Variants in IQGAP2 observed in about 807,000 individuals in gnomAD.
IQGAP2 encodes ras GTPase-activating-like protein IQGAP2.
In IQGAP2, 173 loss-of-function variants were observed where a neutral mutation model predicts 201.3. The observed-to-expected ratio is 0.86, with a 90% CI of 0.76 to 0.98. IQGAP2 has a LOEUF of 0.98. Among genes scored for constraint, IQGAP2 ranks in the 50% least tolerant of loss-of-function variants. The pLI is 0.00. For synonymous variants in IQGAP2, 675 were observed against 673.9 expected, an observed-to-expected ratio of 1.00 and a Z score of -0.03; for missense variants, 1,687 against 1,864.8, an observed-to-expected ratio of 0.90 and a Z score of 1.76.
At chr5:76,600,775 G>T (rs771789236) in intron 10 of IQGAP2, 37 bp from the exon 11 acceptor site, 153 of 1,610,814 alleles carry the variant, frequency 9.5e-5, no homozygotes, top group Non-Finnish European at 1.2e-4. Flanking sequence ...GAGGTGTGTT[G>T]TGTGGGGAGC....
intron 2 of IQGAP2, among the ~76,000 whole-genome samples, chr5:76,506,073 C>G (rs1410516516): frequency 6.6e-6 from 1 of 152,206 alleles, no homozygotes; most frequent in African/African-American, 2.4e-5. Context: ...CTACCATCAA[C>G]CACACAAGAA....
chr5:76,569,452 A>T (rs1744962954), intron 3 of IQGAP2, among the ~76,000 whole-genome samples: 1 of 152,088 alleles, frequency 6.6e-6, no homozygotes, highest in African/African-American at 2.4e-5. Context: ...AATAGGAATG[A>T]TAATTACCTT....
At chr5:76,531,211 G>T (rs1236575009) in intron 2 of IQGAP2, among the ~76,000 whole-genome samples, 1 of 152,152 alleles carries the variant, frequency 6.6e-6, no homozygotes, top group East Asian at 1.9e-4. Context: ...GTCCTCGGGT[G>T]GCAGAGGGGC....
At chr5:76,533,430 C>T (rs951366038) in intron 2 of IQGAP2, among the ~76,000 whole-genome samples, 1 of 152,024 alleles carries the variant, frequency 6.6e-6, no homozygotes, top group Non-Finnish European at 1.5e-5. Flanking sequence ...TATATCTCAC[C>T]ATTTTACTTT....
At chr5:76,703,294 T>C (rs1425857230) in intron 35 of IQGAP2, among the ~76,000 whole-genome samples, 1 of 152,088 alleles carries the variant, frequency 6.6e-6, no homozygotes, top group Non-Finnish European at 1.5e-5. Flanking sequence ...TAACTGGTAC[T>C]ACAGGCACAC....
chr5:76,495,542 GA>G lies in IQGAP2; in HGVS notation c.146+33874del, dbSNP rs138804347. Reference sequence around the variant, plus strand: ...ATAACCATCATCCCTCTCCTCACAGGACCATTGTGGGGTAGTGTGTTAATTC... The same window carrying G: ...ATAACCATCATCCCTCTCCTCACAGGCCATTGTGGGGTAGTGTGTTAATTC... On this transcript the variant is annotated intron_variant, in intron 2 of 35. Transcript: ENST00000274364. Among the ~76,000 whole-genome samples, 149 of 152,264 alleles carry G rather than the reference GA, an allele frequency of 9.8e-4. 1 individual carries two copies. Among genetic ancestry groups the G allele is most frequent in the African/African-American group, 3.5e-3 (147 of 41,564 alleles).
At chr5:76,510,545 G>A (rs575803917) in intron 2 of IQGAP2, 10 of 433,328 alleles carry the variant, frequency 2.3e-5, no homozygotes, top group African/African-American at 6.1e-5. Flanking sequence ...GCTGGACCCC[G>A]CCAAGGTATA....
At chr5:76,506,812 A>G (rs1476321568) in intron 2 of IQGAP2, among the ~76,000 whole-genome samples, 1 of 152,202 alleles carries the variant, frequency 6.6e-6, no homozygotes, top group Non-Finnish European at 1.5e-5. Flanking sequence ...GTCTAACAAA[A>G]CATGTACAAG....
At chr5:76,499,609 G>A (rs1162578744) in intron 2 of IQGAP2, among the ~76,000 whole-genome samples, 1 of 152,176 alleles carries the variant, frequency 6.6e-6, no homozygotes, top group East Asian at 1.9e-4. Flanking sequence ...ATACCCAGCA[G>A]CATTTGATGA....
At chr5:76,685,421 T>A (rs2150519654) in intron 30 of IQGAP2, among the ~76,000 whole-genome samples, 1 of 152,366 alleles carries the variant, frequency 6.6e-6, no homozygotes, top group African/African-American at 2.4e-5. Flanking sequence ...GAACATCATT[T>A]TCTAAATCCA....
intron 30 of IQGAP2, among the ~76,000 whole-genome samples, chr5:76,684,898 C>T (rs916142120): frequency 6.6e-6 from 1 of 152,076 alleles, no homozygotes; most frequent in East Asian, 1.9e-4. Flanking sequence ...AGCTTCTTCA[C>T]TGTGCTGTGT....
intron 2 of IQGAP2, among the ~76,000 whole-genome samples, chr5:76,531,536 C>T (rs982544100): frequency 6.6e-5 from 10 of 152,154 alleles, no homozygotes; most frequent in South Asian, 2.1e-4. Flanking sequence ...ACCGTTATGA[C>T]GTCAATACCT....
chr5:76,500,743 A>G (rs1006169147), intron 2 of IQGAP2, among the ~76,000 whole-genome samples: 1 of 152,100 alleles, frequency 6.6e-6, no homozygotes, highest in Non-Finnish European at 1.5e-5. Flanking sequence ...AGTATTTTTC[A>G]ATAATGTCAT....
intron 2 of IQGAP2, among the ~76,000 whole-genome samples, chr5:76,475,844 C>A (rs1321682901): frequency 6.6e-6 from 1 of 152,052 alleles, no homozygotes; most frequent in Admixed American, 6.6e-5. Context: ...TTTCAGAGAA[C>A]CTTCAGATGG....
chr5:76,694,198 T>C (rs1474732675), intron 31 of IQGAP2, among the ~76,000 whole-genome samples: 1 of 152,126 alleles, frequency 6.6e-6, no homozygotes, highest in Admixed American at 6.6e-5. Flanking sequence ...TTTGGAAGGC[T>C]GAGGTGTGTA....
In IQGAP2 at chr5:76,654,222, C is replaced by T; in HGVS notation, c.2201C>T (p.Ala734Val). ...IVKIQSWFRM[A>V]TARKSYLSRL... is the part of the protein sequence containing the mutation. ...CAGATTCAGTCCTGGTTCCGAATGG[C>T]AACTGCAAGAAAGAGCTATCTTTCA... The change falls in exon 19 of 36, where the codon GCA (alanine) becomes GTA (valine). Residue 734 changes from alanine to valine, a missense_variant. Transcript: ENST00000274364. 1 of 1,609,570 alleles carries T rather than the reference C, an allele frequency of 6.2e-7. No individual in the cohort carries two copies. Among genetic ancestry groups the T allele is most frequent in the Middle Eastern group, 1.7e-4 (1 of 6,048 alleles).
chr5:76,617,423 C>T, intron 13 of IQGAP2: 5 of 622,664 alleles, frequency 8.0e-6, no homozygotes, highest in Non-Finnish European at 1.4e-5. Flanking sequence ...GACTCAGTCT[C>T]AAAAACAAAC....
Position 76,637,122 on chromosome 5 carries a change from C to A in IQGAP2, c.1869C>A (p.Val623=). 1 of 1,611,952 alleles carries A rather than the reference C, an allele frequency of 6.2e-7. No homozygotes were observed. The highest frequency in any genetic ancestry group is 8.5e-7 in the Non-Finnish European group (1 of 1,178,652). ...CTGATTCAAAAGAGAGTTCCTGGGT[C>A]ACACCTGAATCATGCTTGTATAAAG... ...YNTDSKESSW[V]TPESCLYKES... is the part of the protein sequence containing the mutation. Residue 623 remains valine (V), a synonymous_variant, in exon 16 of 36, where the codon GTC becomes GTA. Transcript: ENST00000274364.
At chr5:76,439,992 A>G (rs1752939928) in intron 1 of IQGAP2, among the ~76,000 whole-genome samples, 1 of 152,106 alleles carries the variant, frequency 6.6e-6, no homozygotes, top group Non-Finnish European at 1.5e-5. Context: ...TGCATATTGA[A>G]TTTTTGTTTC....
Sources: gnomAD v4.1 joint callset for allele counts (sites outside exome capture counted in the v4.1 genomes callset) on GRCh38, gnomAD v4.1.1 for gene constraint, MANE v1.5 for transcripts, NCBI Gene and HGNC (gene_info 2026-07-23, HGNC 2026-07-21) for gene names.